The following STYXL1 variants were observed in gnomAD, a reference collection of about 807,000 sequenced individuals.
STYXL1 encodes serine/threonine/tyrosine interacting like 1, also known as serine/threonine/tyrosine-interacting-like protein 1.
A neutral mutation model predicts 36.4 loss-of-function variants in STYXL1; 32 were observed. The ratio of observed to expected loss-of-function variants is 0.88; its 90% CI spans 0.66 to 1.18. STYXL1 has a LOEUF of 1.18. Among genes scored for constraint, STYXL1 ranks in the 50% most tolerant of loss-of-function variants. STYXL1 has a pLI of 0.00. For synonymous variants in STYXL1, 133 were observed against 144.1 expected, an observed-to-expected ratio of 0.92 and a Z score of 0.55; for missense variants, 354 against 394.1, an observed-to-expected ratio of 0.90 and a Z score of 0.86.
intron 1 of STYXL1, among the ~76,000 whole-genome samples, chr7:76,032,516 A>G (rs532095830): frequency 1.3e-5 from 2 of 151,988 alleles, no homozygotes; most frequent in East Asian, 3.9e-4. Flanking sequence ...TTCAAGACCA[A>G]CATGGCAAAA....
intron 1 of STYXL1, among the ~76,000 whole-genome samples, chr7:76,037,813 C>A (rs1280193314): frequency 1.3e-5 from 2 of 149,978 alleles, no homozygotes; most frequent in African/African-American, 4.9e-5. Context: ...GAGACTCTGG[C>A]TCAAGCTGAC....
At chr7:76,007,511 T>C (rs1270751189) in intron 5 of STYXL1, among the ~76,000 whole-genome samples, 1 of 152,064 alleles carries the variant, frequency 6.6e-6, no homozygotes, top group Non-Finnish European at 1.5e-5. Context: ...ATCCAAGGAT[T>C]TGGTATCTAT....
Position 76,005,330 on chromosome 7 carries a change from G to C in STYXL1, c.528C>G (p.Ala176=). ...GKVFVGNFSQ[A]CDPKIQKDLK... ...AGTCCTTCTGAATCTTGGGGTCACAGGCTTGACTGAAATTGCCAACGAAGA... is the reference window on the plus strand; with the variant it reads ...AGTCCTTCTGAATCTTGGGGTCACACGCTTGACTGAAATTGCCAACGAAGA... Residue 176 remains alanine, a synonymous_variant, in exon 6 of 9, where the codon GCC becomes GCG. Transcript: ENST00000359697. 2 of 1,613,622 alleles carry C rather than the reference G, an allele frequency of 1.2e-6. No individual in the cohort carries two copies. The highest frequency in any genetic ancestry group is 8.5e-7 in the Non-Finnish European group (1 of 1,179,658).
Position 76,000,948 on chromosome 7 carries a change from C to G in STYXL1, c.752G>C (p.Ser251Thr), listed in dbSNP as rs1554566948. 1.9e-6 allele frequency: 3 copies of G among 1,614,064 alleles called. No individual in the cohort carries two copies. Among genetic ancestry groups the G allele is most frequent in the African/African-American group, 2.7e-5 (2 of 74,944 alleles). The change falls in exon 8 of 9, where the codon AGC (serine) becomes ACC (threonine). Residue 251 changes from serine to threonine, a missense_variant. Physicochemically the swap from Ser to Thr is moderately conservative, Grantham distance 58. Transcript: ENST00000359697. ...GGCTATGATGGCGGCACAACTGCGG[C>G]TGATACCTTGGGTGGAAAAGATCAG... is the stretch of plus-strand genomic sequence containing the variant. ...VILIFSTQGI[S>T]RSCAAIIAYL...
chr7:76,016,386 CGTAT>C (rs556763711), intron 4 of STYXL1, among the ~76,000 whole-genome samples: 10 of 147,272 alleles, frequency 6.8e-5, no homozygotes, highest in Non-Finnish European at 1.2e-4. Context: ...AGCGTATATA[CGTAT>C]GTGTGTATAT....
chr7:76,000,854 T>C, intron 8 of STYXL1, 36 bp downstream of exon 8: 1 of 1,584,098 alleles, frequency 6.3e-7, no homozygotes, highest in Non-Finnish European at 8.7e-7. Flanking sequence ...TCCCAGGGGG[T>C]GGCCGTGGTG....
chr7:76,005,369 G>A lies in STYXL1; in HGVS notation c.489C>T (p.Ile163=), dbSNP rs1044484. The A allele has an allele frequency of 0.14, 225,854 of 1,612,560 alleles. 18,264 individuals carry two copies. Among genetic ancestry groups the A allele is most frequent in the Non-Finnish European group, 0.16 (194,298 of 1,178,880 alleles). ...TGCCAACGAAGACCTTCCCTGGCAC[G>A]ATTTCAATGGGGTATGGCTGAAATG... is the stretch of plus-strand genomic sequence containing the variant. ...LDAFQPYPIE[I]VPGKVFVGNF... Residue 163 remains isoleucine, a synonymous_variant, in exon 6 of 9, where the codon ATC becomes ATT. Coordinates refer to ENST00000359697, the MANE Select transcript of STYXL1 (RefSeq NM_001317785.2).
chr7:76,033,665 C>A (rs910717474), intron 1 of STYXL1, among the ~76,000 whole-genome samples: 1 of 152,196 alleles, frequency 6.6e-6, no homozygotes, highest in Non-Finnish European at 1.5e-5. Flanking sequence ...CTCAGCACCC[C>A]CTCCACAGCA....
chr7:75,997,668 T>C (rs1790305730), intron 8 of STYXL1, among the ~76,000 whole-genome samples: 1 of 152,098 alleles, frequency 6.6e-6, no homozygotes, highest in Non-Finnish European at 1.5e-5. Context: ...GAAGTAACCT[T>C]ACCTCTGGTT....
chr7:76,046,796 G>A, intron 1 of STYXL1, among the ~76,000 whole-genome samples: 1 of 150,734 alleles, frequency 6.6e-6, no homozygotes, highest in East Asian at 2.0e-4. Flanking sequence ...GGCTACAGGT[G>A]TACACCACCA....
rs1554569785 is a variant in STYXL1, at chr7:76,005,360, C to T, written c.498G>A (p.Gly166=). 6.2e-7 allele frequency: 1 copy of T among 1,613,542 alleles called. No homozygotes were observed. Among genetic ancestry groups the T allele is most frequent in the African/African-American group, 1.3e-5 (1 of 75,008 alleles). ...FQPYPIEIVP[G]KVFVGNFSQA... is the part of the protein sequence containing the mutation. ...GACTGAAATTGCCAACGAAGACCTT[C>T]CCTGGCACGATTTCAATGGGGTATG... The change falls in exon 6 of 9, where the codon GGG becomes GGA. Residue 166 remains glycine (G), a synonymous_variant. Coordinates refer to ENST00000359697, the MANE Select transcript of STYXL1 (RefSeq NM_001317785.2).
intron 3 of STYXL1, among the ~76,000 whole-genome samples, chr7:76,022,415 T>G (rs1252611493): frequency 1.3e-5 from 2 of 151,922 alleles, no homozygotes; most frequent in Non-Finnish European, 2.9e-5. Context: ...ATCCCAGCAC[T>G]TCAGGAGGCC....
intron 1 of STYXL1, among the ~76,000 whole-genome samples, chr7:76,031,433 G>T (rs1795327441): frequency 6.6e-6 from 1 of 151,266 alleles, no homozygotes; most frequent in Non-Finnish European, 1.5e-5. Flanking sequence ...ATGTATAGTT[G>T]GCTGGGCGCA....
At chr7:76,025,022 A>G (rs1794523683) in intron 3 of STYXL1, among the ~76,000 whole-genome samples, 1 of 151,216 alleles carries the variant, frequency 6.6e-6, no homozygotes, top group African/African-American at 2.4e-5. Context: ...TATGGGATAC[A>G]TGTGCATCAT....
At chr7:76,012,723 G>A (rs142269038) in intron 5 of STYXL1, among the ~76,000 whole-genome samples, 4 of 152,208 alleles carry the variant, frequency 2.6e-5, no homozygotes, top group Non-Finnish European at 5.9e-5. Context: ...GTAGAGACAA[G>A]GTCTCACTAT....
rs183248760 is a variant in STYXL1, at chr7:76,001,618, C to T, written c.698-616G>A. On this transcript the variant is annotated intron_variant, in intron 7 of 8. Coordinates refer to ENST00000359697, the MANE Select transcript of STYXL1 (RefSeq NM_001317785.2). ...AAGTGATTCTCCTGGCTTAACCTCC[C>T]GAGTACCTGGGATTACAAGCACCTG... 3.3e-5 allele frequency among the ~76,000 whole-genome samples: 5 copies of T among 151,958 alleles called. No homozygotes were observed. In the East Asian group the frequency reaches 5.9e-4, roughly 18 times the overall value.
In STYXL1 at chr7:76,013,798, G is replaced by A. The variant is rs368425776; in HGVS notation, c.397C>T (p.Arg133Cys). The A allele has an allele frequency of 1.2e-5, 19 of 1,613,934 alleles. No homozygotes were observed. The highest frequency in any genetic ancestry group is 2.2e-5 in the East Asian group (1 of 44,850). Residue 133 changes from arginine (R) to cysteine (C), a missense_variant, in exon 5 of 9, where the codon CGC (arginine) becomes TGC (cysteine). Transcript: ENST00000359697. ...PVYILKGGYE[R>C]FSGTYHFLRT... ...AGAAAGTGGTACGTGCCTGAGAAGC[G>A]CTCATAGCCCCCTTTCAGGATGTAG...
intron 6 of STYXL1, 145 bp downstream of exon 6, chr7:76,005,114 A>C: frequency 9.2e-6 from 3 of 325,542 alleles, no homozygotes; most frequent in Non-Finnish European, 1.4e-5. Flanking sequence ...ACATGTATAC[A>C]TATGTAACAA....
chr7:76,022,008 A>T lies in STYXL1; in HGVS notation c.166-16T>A. The T allele has an allele frequency of 6.3e-7, 1 of 1,596,908 alleles. No individual in the cohort carries two copies. The highest frequency in any genetic ancestry group is 8.5e-7 in the Non-Finnish European group (1 of 1,177,728). On this transcript the variant is annotated splice_polypyrimidine_tract_variant and intron_variant, in intron 3 of 8. Transcript: ENST00000359697. ...CATTATTTTTCTTAAAAAAAAAAAC[A>T]CACACACACAAGAGAGGCCTGTTGG...
Sources: allele counts gnomAD v4.1 joint callset (sites outside exome capture counted in the v4.1 genomes callset), GRCh38; gene constraint gnomAD v4.1.1; transcripts MANE v1.5; gene names NCBI Gene and HGNC (gene_info 2026-07-23, HGNC 2026-07-21).